The following CDA variants were observed in gnomAD, a reference collection of about 807,000 sequenced individuals.
CDA encodes the protein cytidine aminohydrolase.
Under a neutral mutation model 15.0 loss-of-function variants are expected in CDA, and 7 were observed. That is an observed-to-expected ratio of 0.47 (90% CI 0.26 to 0.87). CDA has a LOEUF of 0.87. Among genes scored for constraint, CDA ranks in the 40% least tolerant of loss-of-function variants. CDA has a pLI of 0.15. For synonymous variants in CDA, 58 were observed against 73.0 expected (o/e 0.79, Z 1.05); for missense variants, 159 against 182.7 (o/e 0.87, Z 0.75).
chr1:20,617,214 C>A (rs1385042305), intron 3 of CDA, among the ~76,000 whole-genome samples: 1 of 152,168 alleles, frequency 6.6e-6, no homozygotes, highest in African/African-American at 2.4e-5. Flanking sequence ...GGTCACACAG[C>A]AAACAAACAG....
intron 3 of CDA, among the ~76,000 whole-genome samples, chr1:20,616,550 G>A (rs1323374493): frequency 1.3e-5 from 2 of 152,032 alleles, no homozygotes; most frequent in African/African-American, 4.8e-5. Context: ...TGGAAATGTC[G>A]AAGGTCATAT....
intron 3 of CDA, among the ~76,000 whole-genome samples, chr1:20,617,754 G>A (rs1273285447): frequency 1.3e-5 from 2 of 151,552 alleles, no homozygotes; most frequent in Non-Finnish European, 2.9e-5. Context: ...GACTGCAGTG[G>A]TGTGATCTTG....
Position 20,618,786 on chromosome 1 carries a change from C to T in CDA, c.*218C>T. 1.8e-6 allele frequency: 1 copy of T among 545,468 alleles called. No individual in the cohort carries two copies. 33.8% of individuals were successfully genotyped at this position (545,468 alleles called of 1,614,324 possible). A position where few individuals can be genotyped will look rare whatever the true frequency, so the allele number is the denominator to read the frequency against. ...CCCCTGCCCCACCTTTCCTTTCCTT[C>T]CTGTGGGCCCTCTTTCAAAGTCCAG... On this transcript the variant is annotated 3_prime_UTR_variant, in exon 4 of 4. Coordinates refer to ENST00000375071, the MANE Select transcript of CDA (RefSeq NM_001785.3).
In CDA at chr1:20,611,266, T is replaced by A. The variant is rs188173842; in HGVS notation, c.267-2576T>A. ...AATAAATAAATAAATAAAAATCCTA[T>A]GTTCTTCCAGAGATATCACAAAGCT... On this transcript the variant is annotated intron_variant, in intron 2 of 3. Coordinates refer to ENST00000375071, the MANE Select transcript of CDA (RefSeq NM_001785.3). Among the ~76,000 whole-genome samples, 734 of 152,310 alleles carry A rather than the reference T, an allele frequency of 4.8e-3. 18 individuals carry two copies. Among genetic ancestry groups the A allele is most frequent in the Admixed American group, 0.04 (608 of 15,294 alleles).
chr1:20,616,127 G>C (rs1231346235), intron 3 of CDA, among the ~76,000 whole-genome samples: 1 of 152,282 alleles, frequency 6.6e-6, no homozygotes, highest in East Asian at 1.9e-4. Context: ...TTACTGAAGG[G>C]CCCCCTGCCA....
In CDA at chr1:20,618,807, T is replaced by C; in HGVS notation, c.*239T>C. 1 of 511,238 alleles carries C rather than the reference T, an allele frequency of 2.0e-6. No homozygotes were observed. Among genetic ancestry groups the C allele is most frequent in the Non-Finnish European group, 3.6e-6 (1 of 278,172 alleles). The allele number at this position is 511,238 out of a possible 1,614,324, so 31.7% of individuals were successfully genotyped here. A position where few individuals can be genotyped will look rare whatever the true frequency, so the allele number is the denominator to read the frequency against. On this transcript the variant is annotated 3_prime_UTR_variant, in exon 4 of 4. Coordinates refer to ENST00000375071, the MANE Select transcript of CDA (RefSeq NM_001785.3). ...CCTTCCTGTGGGCCCTCTTTCAAAGTCCAGCCTAGTCTGGACTGCTTCCCC... is the reference window on the plus strand; with the variant it reads ...CCTTCCTGTGGGCCCTCTTTCAAAGCCCAGCCTAGTCTGGACTGCTTCCCC...
intron 1 of CDA, among the ~76,000 whole-genome samples, chr1:20,590,725 C>T (rs989001338): frequency 1.6e-4 from 25 of 152,216 alleles, no homozygotes; most frequent in African/African-American, 6.0e-4. Context: ...CATTGACTTT[C>T]TCGTGCTGTG....
chr1:20,599,258 G>A lies in CDA; in HGVS notation c.155-5670G>A, dbSNP rs965564374. Among the ~76,000 whole-genome samples the A allele has an allele frequency of 3.3e-5, 5 of 152,144 alleles. No individual in the cohort carries two copies. In the East Asian group the frequency reaches 5.8e-4, roughly 18 times the overall value. On this transcript the variant is annotated intron_variant, in intron 1 of 3. Transcript: ENST00000375071. The stretch of plus-strand genomic sequence containing the variant: ...AGGTCTAGAGAACAAAAGGAGATGC[G>A]AGCCAAGAGGTAGCACCAGATCACA...
At chr1:20,602,390 T>A (rs933590603) in intron 1 of CDA, among the ~76,000 whole-genome samples, 9 of 151,830 alleles carry the variant, frequency 5.9e-5, no homozygotes, top group African/African-American at 2.2e-4. Flanking sequence ...ATGTTCAAAC[T>A]GACACACATC....
At chr1:20,592,240 T>C (rs182925944) in intron 1 of CDA, among the ~76,000 whole-genome samples, 8 of 152,280 alleles carry the variant, frequency 5.3e-5, no homozygotes, top group Admixed American at 5.2e-4. Context: ...CGACACGGCA[T>C]GGCAGGCAGC....
intron 2 of CDA, among the ~76,000 whole-genome samples, chr1:20,613,115 G>C (rs1004247192): frequency 6.6e-6 from 1 of 152,016 alleles, no homozygotes; most frequent in African/African-American, 2.4e-5. Flanking sequence ...CTTCCTCCAA[G>C]GACCAGGACA....
chr1:20,595,765 CGGT>C (rs563596555), intron 1 of CDA, among the ~76,000 whole-genome samples: 11 of 140,820 alleles, frequency 7.8e-5, no homozygotes, highest in Non-Finnish European at 1.5e-4. Flanking sequence ...GCCTGAGCCC[CGGT>C]GGTGGAGATT....
chr1:20,610,904 C>G (rs1266635039), intron 2 of CDA, among the ~76,000 whole-genome samples: 1 of 152,106 alleles, frequency 6.6e-6, no homozygotes, highest in East Asian at 1.9e-4. Context: ...TAGTCAAAGT[C>G]ACACATAGCA....
chr1:20,597,395 C>A (rs907471378), intron 1 of CDA, among the ~76,000 whole-genome samples: 1 of 152,150 alleles, frequency 6.6e-6, no homozygotes, highest in African/African-American at 2.4e-5. Flanking sequence ...GAGCCAGGAT[C>A]GTGACACTGC....
At chr1:20,607,898 C>A (rs1056384156) in intron 2 of CDA, among the ~76,000 whole-genome samples, 2 of 152,172 alleles carry the variant, frequency 1.3e-5, no homozygotes, top group African/African-American at 4.8e-5. Flanking sequence ...AGGATGGAGA[C>A]CGCACTCAGG....
intron 1 of CDA, among the ~76,000 whole-genome samples, chr1:20,589,705 G>C (rs1255352281): frequency 6.6e-6 from 1 of 152,158 alleles, no homozygotes; most frequent in Non-Finnish European, 1.5e-5. Context: ...ATGAAACTAC[G>C]GAGGTCTCGA....
rs1557553462 is a variant in CDA, at chr1:20,618,758, C to CA, written c.*190_*191insA. On this transcript the variant is annotated 3_prime_UTR_variant, in exon 4 of 4. Coordinates refer to ENST00000375071, the MANE Select transcript of CDA (RefSeq NM_001785.3). ...CCTGCCTTGGGACTTAGAACACCGC[C>CA]GCCCCCTGCCCCACCTTTCCTTTCC... 7.0e-6 allele frequency: 4 copies of CA among 570,688 alleles called. No individual in the cohort carries two copies. The highest frequency in any genetic ancestry group is 1.3e-5 in the Non-Finnish European group (4 of 314,494). 35.4% of individuals were successfully genotyped at this position (570,688 alleles called of 1,614,324 possible). A position where few individuals can be genotyped will look rare whatever the true frequency, so the allele number is the denominator to read the frequency against.
At chr1:20,606,438 A>G (rs894920117) in intron 2 of CDA, among the ~76,000 whole-genome samples, 4 of 151,982 alleles carry the variant, frequency 2.6e-5, no homozygotes, top group African/African-American at 9.7e-5. Flanking sequence ...TAAGTTGAAC[A>G]ACTTTCCTGG....
intron 1 of CDA, among the ~76,000 whole-genome samples, chr1:20,600,018 C>T (rs1224376117): frequency 6.6e-6 from 1 of 152,168 alleles, no homozygotes; most frequent in East Asian, 1.9e-4. Context: ...CTAATGGAAC[C>T]TCTTTCTACA....
Sources: allele counts gnomAD v4.1 joint callset (sites outside exome capture counted in the v4.1 genomes callset), GRCh38; gene constraint gnomAD v4.1.1; transcripts MANE v1.5; gene names NCBI Gene and HGNC (gene_info 2026-07-23, HGNC 2026-07-21).